CEP63: variants seen among roughly 807,000 people sequenced by gnomAD.
CEP63 encodes centrosomal protein 63.
In CEP63, 84 loss-of-function variants were observed where a neutral mutation model predicts 89.1. That is an observed-to-expected ratio of 0.94 (90% confidence interval 0.79 to 1.13). CEP63 has a LOEUF of 1.13. CEP63 is among the 50% of genes most tolerant of loss of function. The probability of loss-of-function intolerance (pLI) is 0.00; values close to 1 mark genes in which losing one functional copy is unlikely to be tolerated. For missense variants in CEP63, 838 were observed against 813.3 expected (o/e 1.03, Z -0.37); for synonymous variants, 267 against 272.5 (o/e 0.98, Z 0.20).
At chr3:134,699,333 G>T in the CEP63 span, among the ~76,000 whole-genome samples, 1 of 152,308 alleles carries the variant, frequency 6.6e-6, no homozygotes, top group Non-Finnish European at 1.5e-5. Flanking sequence ...AAACTGTAGG[G>T]CACGCTGTGG....
intron 1 of CEP63, among the ~76,000 whole-genome samples, chr3:134,488,906 C>T (rs1440569549): frequency 6.6e-6 from 1 of 151,900 alleles, no homozygotes; most frequent in Non-Finnish European, 1.5e-5. Flanking sequence ...GCCTGTAATC[C>T]CAGCACTTTG....
At chr3:134,768,330 C>T in the CEP63 span, among the ~76,000 whole-genome samples, 26 of 152,180 alleles carry the variant, frequency 1.7e-4, no homozygotes, top group African/African-American at 5.6e-4. Flanking sequence ...CAGCCAGCCC[C>T]GAATTTTTCA....
At chr3:134,509,548 A>C (rs1254523335) in intron 3 of CEP63, among the ~76,000 whole-genome samples, 1 of 152,152 alleles carries the variant, frequency 6.6e-6, no homozygotes, top group Non-Finnish European at 1.5e-5. Flanking sequence ...GATGGTTACA[A>C]ATTTTCCAGT....
the CEP63 span, among the ~76,000 whole-genome samples, chr3:134,703,183 C>G: frequency 2.8e-3 from 428 of 150,882 alleles, 3 homozygotes; most frequent in African/African-American, 1.0e-2. Context: ...GTAGTCCCAG[C>G]TACTTGGGAG....
downstream of CEP63, among the ~76,000 whole-genome samples, chr3:134,577,708 C>T (rs1226958933): frequency 6.6e-6 from 1 of 151,968 alleles, no homozygotes; most frequent in African/African-American, 2.4e-5. Context: ...CACCTGTCAA[C>T]CCATCATCTA....
intron 3 of CEP63, among the ~76,000 whole-genome samples, chr3:134,516,540 A>G (rs1946275724): frequency 6.6e-6 from 1 of 152,144 alleles, no homozygotes; most frequent in African/African-American, 2.4e-5. Flanking sequence ...CGAATTTCAG[A>G]CTATCACATG....
In CEP63 at chr3:134,559,250, A is replaced by G. The variant is rs752223738; in HGVS notation, c.1774A>G (p.Met592Val). 1.2e-6 allele frequency: 2 copies of G among 1,614,118 alleles called. No individual in the cohort carries two copies. The highest frequency in any genetic ancestry group is 1.7e-6 in the Non-Finnish European group (2 of 1,179,986). The change falls in exon 14 of 15, where the codon ATG becomes GTG. Residue 592 changes from methionine (M) to valine (V), a missense_variant. Transcript: ENST00000675561. The part of the protein sequence containing the change: ...RGQASDSINP[M>V]SRVLSPLSPQ... ...ACAAGCGTCGGATAGTATAAACCCC[A>G]TGTCTAGGGTGCTAAGCCCCCTGAG...
intron 2 of CEP63, among the ~76,000 whole-genome samples, chr3:134,504,283 A>G (rs1942897586): frequency 6.6e-6 from 1 of 152,094 alleles, no homozygotes; most frequent in Non-Finnish European, 1.5e-5. Context: ...TCTAGTGATG[A>G]TGAATTATCT....
intron 2 of CEP63, 21 bp from the exon 3 acceptor site, chr3:134,507,088 A>G: frequency 1.2e-6 from 2 of 1,607,306 alleles, no homozygotes; most frequent in Non-Finnish European, 1.7e-6. Context: ...TGTTTTTTTA[A>G]TGATCTGTTC....
At chr3:134,668,328 T>C in the CEP63 span, among the ~76,000 whole-genome samples, 1 of 152,266 alleles carries the variant, frequency 6.6e-6, no homozygotes, top group Non-Finnish European at 1.5e-5. Context: ...CTGTTTCTTG[T>C]GCAACCCTGG....
chr3:134,702,783 G>A, the CEP63 span, among the ~76,000 whole-genome samples: 1 of 152,148 alleles, frequency 6.6e-6, no homozygotes, highest in Non-Finnish European at 1.5e-5. Flanking sequence ...TCTCACACCA[G>A]TCAGAATGGC....
intron 3 of CEP63, among the ~76,000 whole-genome samples, chr3:134,518,541 A>G (rs1317038346): frequency 6.6e-6 from 1 of 152,234 alleles, no homozygotes; most frequent in Non-Finnish European, 1.5e-5. Flanking sequence ...TAAATAACCC[A>G]TGAATCAAAA....
intron 10 of CEP63, among the ~76,000 whole-genome samples, chr3:134,584,866 G>A (rs182179866): frequency 6.6e-6 from 1 of 151,570 alleles, no homozygotes; most frequent in Admixed American, 6.6e-5. Context: ...GCCTGTTATT[G>A]GTCTATTCAG....
rs762943485 is a variant in CEP63, at chr3:134,547,406, C to G, written c.1001C>G (p.Ser334Cys). Residue 334 changes from serine to cysteine, a missense_variant, in exon 9 of 15, where the codon TCC (serine) becomes TGC (cysteine). Physicochemically the swap from Ser to Cys is moderately radical, Grantham distance 112. Coordinates refer to ENST00000675561, the MANE Select transcript of CEP63 (RefSeq NM_001353108.3). ...CAGGGGGACTTAGACAGTGTGCTCT[C>G]CCAGTTGAATTTTACCCATACTAGT... ...QGQGDLDSVL[S>C]QLNFTHTSED... The G allele has an allele frequency of 6.2e-7, 1 of 1,613,652 alleles. No individual in the cohort carries two copies. The highest frequency in any genetic ancestry group is 8.5e-7 in the Non-Finnish European group (1 of 1,179,674).
chr3:134,715,470 T>C, the CEP63 span, among the ~76,000 whole-genome samples: 1 of 151,562 alleles, frequency 6.6e-6, no homozygotes, highest in Non-Finnish European at 1.5e-5. Context: ...CACTTGCACA[T>C]GCAGGGATGG....
chr3:134,601,827 T>C, the CEP63 span, among the ~76,000 whole-genome samples: 1 of 152,086 alleles, frequency 6.6e-6, no homozygotes, highest in Admixed American at 6.5e-5. Flanking sequence ...AGGGGAGGGA[T>C]CCCGGGGGAT....
At chr3:134,541,596 A>G (rs1306622283) in intron 6 of CEP63, among the ~76,000 whole-genome samples, 2 of 149,530 alleles carry the variant, frequency 1.3e-5, no homozygotes, top group Non-Finnish European at 3.0e-5. Context: ...GCTCGCTGCA[A>G]CCTCCGCCTC....
At chr3:134,693,888 T>C in the CEP63 span, among the ~76,000 whole-genome samples, 11 of 152,332 alleles carry the variant, frequency 7.2e-5, no homozygotes, top group African/African-American at 2.6e-4. Context: ...CATGTCTTCC[T>C]GGCGGTGCGT....
chr3:134,606,616 G>A, the CEP63 span, among the ~76,000 whole-genome samples: 3 of 152,144 alleles, frequency 2.0e-5, no homozygotes, highest in East Asian at 3.8e-4. Flanking sequence ...TGTAGTGTCC[G>A]AACTCCTTGC....
Sources: allele counts gnomAD v4.1 joint callset (sites outside exome capture counted in the v4.1 genomes callset), GRCh38; gene constraint gnomAD v4.1.1; transcripts MANE v1.5; gene names NCBI Gene and HGNC (gene_info 2026-07-23, HGNC 2026-07-21).